The following NINL variants were observed in gnomAD, a reference collection of about 807,000 sequenced individuals.
NINL encodes ninein-like protein.
Under a neutral mutation model 160.3 loss-of-function variants are expected in NINL, and 153 were observed. The ratio of observed to expected loss-of-function variants is 0.95; its 90% confidence interval spans 0.84 to 1.09. NINL has a LOEUF of 1.09. Ranked by LOEUF, NINL falls within the 50% of genes least tolerant of loss-of-function variation. The pLI is 0.00. For synonymous variants in NINL, 800 were observed against 734.8 expected (o/e 1.09, Z -1.43); for missense variants, 1,829 against 1,764.0 (o/e 1.04, Z -0.66).
chr20:25,538,916 G>T (rs1158187911), intron 1 of NINL, among the ~76,000 whole-genome samples: 1 of 152,174 alleles, frequency 6.6e-6, no homozygotes, highest in Non-Finnish European at 1.5e-5. Context: ...GGTGGCAGCA[G>T]AAGACACTTG....
At chr20:25,571,436 G>C (rs1436481008) in intron 1 of NINL, among the ~76,000 whole-genome samples, 1 of 152,200 alleles carries the variant, frequency 6.6e-6, no homozygotes, top group Non-Finnish European at 1.5e-5. Flanking sequence ...TGTGATAAGA[G>C]AACTCAGTGC....
Position 25,458,370 on chromosome 20 carries a change from C to A in NINL, c.3843+13G>T. 6.2e-7 allele frequency: 1 copy of A among 1,605,272 alleles called. No homozygotes were observed. Among genetic ancestry groups the A allele is most frequent in the African/African-American group, 1.3e-5 (1 of 74,996 alleles). The stretch of plus-strand genomic sequence containing the variant: ...TCATCTCGTCAGCCATCTCTCGCTG[C>A]ATCCCCACTTACCCGCTGTGCATCC... On this transcript the variant is annotated intron_variant, in intron 22 of 23. Transcript: ENST00000278886.
intron 2 of NINL, among the ~76,000 whole-genome samples, chr20:25,518,685 C>A (rs748310817): frequency 1.3e-5 from 2 of 152,142 alleles, no homozygotes; most frequent in Non-Finnish European, 2.9e-5. Context: ...TACTGATTTA[C>A]TGGATTTAAA....
At chr20:25,475,941 G>T in intron 17 of NINL, 102 bp downstream of exon 17, 2 of 1,255,556 alleles carry the variant, frequency 1.6e-6, no homozygotes, top group Non-Finnish European at 2.2e-6. Flanking sequence ...CGAGCTTGTC[G>T]GCAGGAAGGG....
At chr20:25,540,570 G>T (rs1189486883) in intron 1 of NINL, among the ~76,000 whole-genome samples, 3 of 152,180 alleles carry the variant, frequency 2.0e-5, no homozygotes. Context: ...AATCACCTAG[G>T]GACCCAGAGT....
chr20:25,583,442 T>G (rs531726178), intron 1 of NINL, among the ~76,000 whole-genome samples: 2 of 152,252 alleles, frequency 1.3e-5, no homozygotes, highest in East Asian at 3.9e-4. Context: ...TCACATCAGT[T>G]AGAATGGTAA....
intron 6 of NINL, 152 bp from the exon 7 acceptor site, chr20:25,504,256 C>G (rs968578553): frequency 1.3e-6 from 1 of 767,772 alleles, no homozygotes; most frequent in Non-Finnish European, 2.0e-6. Context: ...GTAGACCATG[C>G]GGGCTATATT....
chr20:25,571,370 G>A (rs2065053322), intron 1 of NINL, among the ~76,000 whole-genome samples: 1 of 152,192 alleles, frequency 6.6e-6, no homozygotes, highest in Non-Finnish European at 1.5e-5. Flanking sequence ...GTGGGCCTGT[G>A]TGAGCCTGGC....
chr20:25,572,759 C>T (rs574240843), intron 1 of NINL, among the ~76,000 whole-genome samples: 2 of 152,126 alleles, frequency 1.3e-5, no homozygotes, highest in Admixed American at 6.6e-5. Flanking sequence ...CCAAAATACA[C>T]GGAAAATGTC....
At chr20:25,507,663 A>T (rs1601180528) in intron 5 of NINL, among the ~76,000 whole-genome samples, 1 of 152,116 alleles carries the variant, frequency 6.6e-6, no homozygotes, top group South Asian at 2.1e-4. Flanking sequence ...ATTACTGATA[A>T]CCCTGCTGGT....
At chr20:25,505,899 A>T (rs1338987471) in intron 5 of NINL, among the ~76,000 whole-genome samples, 1 of 152,266 alleles carries the variant, frequency 6.6e-6, no homozygotes, top group African/African-American at 2.4e-5. Context: ...TCTTGGGGGA[A>T]AATATCTGCC....
At chr20:25,568,439 ACTCT>A (rs1307348357) in intron 1 of NINL, among the ~76,000 whole-genome samples, 1 of 151,644 alleles carries the variant, frequency 6.6e-6, no homozygotes, top group African/African-American at 2.4e-5. Context: ...ACAGACTCTC[ACTCT>A]GTCACCTAGT....
At chr20:25,461,475 C>T in intron 21 of NINL, 47 bp downstream of exon 21, 1 of 1,170,600 alleles carries the variant, frequency 8.5e-7, no homozygotes, top group Non-Finnish European at 1.2e-6. Context: ...TGATGCTGCT[C>T]CCAGGTGGGA....
At chr20:25,549,659 C>T (rs746147997) in intron 1 of NINL, among the ~76,000 whole-genome samples, 13 of 152,206 alleles carry the variant, frequency 8.5e-5, no homozygotes, top group Non-Finnish European at 1.8e-4. Context: ...AAATCAATGT[C>T]GTGGCCTGAG....
In NINL at chr20:25,512,819, AG is replaced by A. The variant is rs774098116; in HGVS notation, c.450+14del. On this transcript the variant is annotated intron_variant, in intron 4 of 23. Transcript: ENST00000278886. ...CAACACTGGGCAGCTGGGGTGGGAG[AG>A]GGGCCTGACCCACCTCCACGCTCTC... 6.3e-7 allele frequency: 1 copy of A among 1,593,674 alleles called. No homozygotes were observed. The highest frequency in any genetic ancestry group is 2.3e-5 in the East Asian group (1 of 44,434).
At chr20:25,540,100 A>G in intron 1 of NINL, 1 of 1,240,228 alleles carries the variant, frequency 8.1e-7, no homozygotes, top group Non-Finnish European at 1.1e-6. Context: ...CCACATCTGC[A>G]TAAAATGTTT....
In NINL at chr20:25,553,103, G is replaced by GTTTTTTTTTTTT. The variant is rs760131174; in HGVS notation, c.-11-26506_-11-26505insAAAAAAAAAAAA. The stretch of plus-strand genomic sequence containing the variant: ...TGGAAGTTACTTCTCACCCTTGTTG[G>GTTTTTTTTTTTT]GTTTTTTTTTTTTTTTTTGGAGATG... On this transcript the variant is annotated intron_variant, in intron 1 of 23. Coordinates refer to ENST00000278886, the MANE Select transcript of NINL (RefSeq NM_025176.6). 3.4e-5 allele frequency among the ~76,000 whole-genome samples: 2 copies of GTTTTTTTTTTTT among 58,038 alleles called. 1 individual carries two copies. The highest frequency in any genetic ancestry group is 1.3e-4 in the African/African-American group (2 of 15,472). The allele number at this position is 58,038 out of a possible 152,430, so 38.1% of individuals were successfully genotyped here.
intron 1 of NINL, among the ~76,000 whole-genome samples, chr20:25,541,772 A>G (rs1254472579): frequency 2.0e-5 from 3 of 152,248 alleles, no homozygotes; most frequent in African/African-American, 7.2e-5. Flanking sequence ...TTTACTGGAA[A>G]TAGCCAATAA....
intron 1 of NINL, among the ~76,000 whole-genome samples, chr20:25,531,870 C>A (rs1309701540): frequency 6.6e-6 from 1 of 152,134 alleles, no homozygotes; most frequent in Non-Finnish European, 1.5e-5. Flanking sequence ...CCTAAGCCAG[C>A]TGGGGGTGCC....
Sources: allele counts gnomAD v4.1 joint callset (sites outside exome capture counted in the v4.1 genomes callset), GRCh38; gene constraint gnomAD v4.1.1; transcripts MANE v1.5; gene names NCBI Gene and HGNC (gene_info 2026-07-23, HGNC 2026-07-21).